The following GPR63 variants were observed in gnomAD, a reference collection of about 807,000 sequenced individuals.
GPR63 encodes the protein G protein-coupled receptor 63, also known as probable G protein-coupled receptor 63.
Under a neutral mutation model 23.1 loss-of-function variants are expected in GPR63, and 12 were observed. That is an observed-to-expected ratio of 0.52 (90% CI 0.33 to 0.84). The LOEUF (loss-of-function observed/expected upper bound fraction) is 0.84. GPR63 is among the 40% of genes least tolerant of loss of function. GPR63 has a pLI of 0.02. For missense variants in GPR63, 472 were observed against 515.6 expected (o/e 0.92, Z 0.82); for synonymous variants, 172 against 191.1 (o/e 0.90, Z 0.82).
At chr6:96,801,175 G>A (rs1168434312) in intron 1 of GPR63, among the ~76,000 whole-genome samples, 1 of 151,000 alleles carries the variant, frequency 6.6e-6, no homozygotes, top group Non-Finnish European at 1.5e-5. Flanking sequence ...ACAAACTGCA[G>A]TTTACTCATT....
intron 1 of GPR63, among the ~76,000 whole-genome samples, chr6:96,801,191 G>A (rs1396662634): frequency 1.3e-5 from 2 of 150,826 alleles, no homozygotes; most frequent in East Asian, 1.9e-4. Flanking sequence ...TCATTATTTC[G>A]ACTTAGAATC....
chr6:96,827,444 A>T (rs2127959409), intron 1 of GPR63, among the ~76,000 whole-genome samples: 1 of 152,260 alleles, frequency 6.6e-6, no homozygotes, highest in South Asian at 2.1e-4. Flanking sequence ...AAGATCATAA[A>T]ATTAATGAGA....
chr6:96,834,926 A>G (rs920617722), intron 1 of GPR63, among the ~76,000 whole-genome samples: 11 of 152,194 alleles, frequency 7.2e-5, no homozygotes, highest in African/African-American at 2.7e-4. Flanking sequence ...CATGCCTTTG[A>G]GGTCTACTCT....
intron 1 of GPR63, among the ~76,000 whole-genome samples, chr6:96,811,262 A>G (rs1774036712): frequency 1.3e-5 from 2 of 152,212 alleles, no homozygotes; most frequent in African/African-American, 4.8e-5. Flanking sequence ...AAACTATTCT[A>G]TCCCCTAACG....
rs1052497703 is a variant in GPR63 at position 96,829,902 on chromosome 6, T to C, written c.-151+7366A>G. 5.3e-5 allele frequency among the ~76,000 whole-genome samples: 8 copies of C among 152,268 alleles called. No individual in the cohort carries two copies. The South Asian group carries it at 1.7e-3, about 32-fold the overall frequency. The stretch of plus-strand genomic sequence containing the variant: ...GTTAGAAACAAATATATAAATATTT[T>C]CAAAGAAGCAACTTTCGGCTTTGCT... On this transcript the variant is annotated intron_variant, in intron 1 of 1. Transcript: ENST00000229955.
chr6:96,829,101 G>A (rs934241164), intron 1 of GPR63, among the ~76,000 whole-genome samples: 26 of 152,132 alleles, frequency 1.7e-4, no homozygotes, highest in African/African-American at 5.1e-4. Context: ...AAAACATGAA[G>A]AAGGATAAAG....
At chr6:96,835,518 T>C (rs1450411456) in intron 1 of GPR63, among the ~76,000 whole-genome samples, 2 of 152,190 alleles carry the variant, frequency 1.3e-5, no homozygotes, top group South Asian at 2.1e-4. Flanking sequence ...CAAGTAACTC[T>C]AGGAACTAAG....
At chr6:96,804,437 G>A (rs748241264) in intron 1 of GPR63, among the ~76,000 whole-genome samples, 2 of 152,024 alleles carry the variant, frequency 1.3e-5, no homozygotes, top group Non-Finnish European at 2.9e-5. Flanking sequence ...TGTTCCCTAC[G>A]ACCACTATGC....
rs761774201 is a variant in GPR63, at chr6:96,799,377, G to A, written c.355C>T (p.Leu119Phe). 40 of 1,614,026 alleles carry A rather than the reference G, an allele frequency of 2.5e-5. No homozygotes were observed. The Admixed American group carries it at 4.0e-4, about 16-fold the overall frequency. ...TCTGCAAAAGCTAGGCTGGCAAGGA[G>A]GATGTTAATTGCAGACCTCATGGCA... ...KAAMRSAINI[L>F]LASLAFADML... The change falls in exon 2 of 2, where the codon CTC becomes TTC. Residue 119 changes from leucine (L) to phenylalanine (F), a missense_variant. Transcript: ENST00000229955.
intron 1 of GPR63, among the ~76,000 whole-genome samples, chr6:96,824,770 T>C (rs1380524801): frequency 6.6e-6 from 1 of 152,132 alleles, no homozygotes; most frequent in Non-Finnish European, 1.5e-5. Context: ...TGGTTGTTAC[T>C]GGGTTTCCCA....
chr6:96,808,994 C>T (rs1032257424), intron 1 of GPR63, among the ~76,000 whole-genome samples: 1 of 149,576 alleles, frequency 6.7e-6, no homozygotes, highest in African/African-American at 2.5e-5. Flanking sequence ...TTCTTTATCT[C>T]GTCCTGCCAT....
chr6:96,800,311 C>T (rs1402101181), intron 1 of GPR63, among the ~76,000 whole-genome samples: 1 of 151,756 alleles, frequency 6.6e-6, no homozygotes, highest in Non-Finnish European at 1.5e-5. Context: ...GGTACAAGTT[C>T]TTACTCTAAT....
chr6:96,820,862 A>G (rs1048992723), intron 1 of GPR63, among the ~76,000 whole-genome samples: 3 of 152,230 alleles, frequency 2.0e-5, no homozygotes, highest in Non-Finnish European at 4.4e-5. Flanking sequence ...TTATCTAATC[A>G]AAACTAAATG....
intron 1 of GPR63, among the ~76,000 whole-genome samples, chr6:96,822,488 C>T (rs896452917): frequency 1.3e-5 from 2 of 152,150 alleles, no homozygotes; most frequent in Non-Finnish European, 2.9e-5. Context: ...ATGTTGACAG[C>T]GTCATCATGT....
chr6:96,821,043 C>T (rs1232993916), intron 1 of GPR63, among the ~76,000 whole-genome samples: 1 of 152,134 alleles, frequency 6.6e-6, no homozygotes, highest in Non-Finnish European at 1.5e-5. Context: ...GCTCATTGTG[C>T]CCACCTTGGC....
chr6:96,801,258 G>T (rs370381795), intron 1 of GPR63, among the ~76,000 whole-genome samples: 3 of 149,402 alleles, frequency 2.0e-5, no homozygotes, highest in East Asian at 3.9e-4. Context: ...TTGCCCAGAT[G>T]GTGCGATCTC....
chr6:96,803,903 T>C (rs958808185), intron 1 of GPR63, among the ~76,000 whole-genome samples: 3 of 152,232 alleles, frequency 2.0e-5, no homozygotes, highest in African/African-American at 7.2e-5. Context: ...TTGTTGGAAA[T>C]GTTTAACAAA....
At chr6:96,831,570 G>A (rs545209335) in intron 1 of GPR63, among the ~76,000 whole-genome samples, 39 of 152,216 alleles carry the variant, frequency 2.6e-4, no homozygotes, top group Admixed American at 2.2e-3. Flanking sequence ...AAAATTCTAT[G>A]TCTAGGGTTT....
At chr6:96,817,362 A>T (rs1018747588) in intron 1 of GPR63, among the ~76,000 whole-genome samples, 4 of 152,138 alleles carry the variant, frequency 2.6e-5, no homozygotes, top group Admixed American at 2.0e-4. Context: ...TATATATATA[A>T]AATATACCAA....
Sources: gnomAD v4.1 joint callset for allele counts (sites outside exome capture counted in the v4.1 genomes callset) on GRCh38, gnomAD v4.1.1 for gene constraint, MANE v1.5 for transcripts, NCBI Gene and HGNC (gene_info 2026-07-23, HGNC 2026-07-21) for gene names.